NAV3: variants seen among roughly 807,000 people sequenced by gnomAD.
The protein encoded by NAV3 is pore membrane and/or filament interacting like protein 1.
Under a neutral mutation model 244.7 loss-of-function variants are expected in NAV3, and 87 were observed. That is an observed-to-expected ratio of 0.36 (90% confidence interval 0.30 to 0.42). NAV3 has a LOEUF of 0.42. Ranked by LOEUF, NAV3 falls within the 20% of genes least tolerant of loss-of-function variation. The pLI is 1.00. For synonymous variants in NAV3, 1,126 were observed against 1,042.2 expected, an observed-to-expected ratio of 1.08 and a Z score of -1.55; for missense variants, 2,663 against 2,893.3, an observed-to-expected ratio of 0.92 and a Z score of 1.83.
rs57593126 is a variant in NAV3 at position 77,813,594 on chromosome 12, A to G, written c.73-126725A>G. On this transcript the variant is annotated intron_variant, in intron 2 of 8. Coordinates refer to the NAV3 transcript ENST00000550042. ...ATTTATACTTGGAGGGCCTATCCCA[A>G]ATCCTAAAGCTATCTCATTGATAAT... Among the ~76,000 whole-genome samples the G allele has an allele frequency of 6.7e-3, 1,016 of 152,294 alleles. 12 individuals are homozygous for G. The highest frequency in any genetic ancestry group is 0.023 in the African/African-American group (939 of 41,554).
intron 2 of NAV3, among the ~76,000 whole-genome samples, chr12:77,573,973 C>T (rs1270167355): frequency 2.6e-5 from 4 of 152,072 alleles, no homozygotes; most frequent in African/African-American, 4.8e-5. Context: ...AATGACACTT[C>T]GTTTACTAGG....
intron 5 of NAV3, among the ~76,000 whole-genome samples, chr12:77,983,200 A>G (rs546792791): frequency 7.2e-5 from 11 of 152,178 alleles, no homozygotes; most frequent in Non-Finnish European, 1.2e-4. Flanking sequence ...GACTATTTAT[A>G]ACTTAGAAAT....
Position 78,118,170 on chromosome 12 carries a change from C to A in NAV3, c.2913C>A (p.Asp971Glu), listed in dbSNP as rs75738397. The A allele has an allele frequency of 3.7e-6, 6 of 1,613,990 alleles. No individual in the cohort carries two copies. The East Asian group carries it at 1.1e-4, about 30-fold the overall frequency. ...WKTVSSGLPE[D>E]PEKAGQKASL... ...CTGTGTCCTCTGGACTTCCTGAAGA[C>A]CCCGAGAAGGCAGGGCAGAAAGCTT... is the stretch of plus-strand genomic sequence containing the variant. The change falls in exon 14 of 40, where the codon GAC becomes GAA. Residue 971 changes from aspartate to glutamate, a missense_variant. Physicochemically the swap from Asp to Glu is conservative, Grantham distance 45. Transcript: ENST00000397909.
intron 1 of NAV3, among the ~76,000 whole-genome samples, chr12:77,906,407 C>A (rs1885979336): frequency 6.6e-6 from 1 of 152,044 alleles, no homozygotes; most frequent in Admixed American, 6.6e-5. Flanking sequence ...TAATAAATTC[C>A]ATTTTCACCT....
chr12:77,831,189 G>GAGAGAA lies in NAV3; in HGVS notation c.-268_-267insAAGAGA. Reference sequence around the variant, plus strand: ...AGAGACAGAGAGAGAGAGAGAGAGAGAGAGACAGAGAGAGAGAGAGAGAGA... The same window carrying GAGAGAA: ...AGAGACAGAGAGAGAGAGAGAGAGAGAGAGAAAGAGACAGAGAGAGAGAGAGAGAGA... On this transcript the variant is annotated 5_prime_UTR_variant, in exon 1 of 40. Transcript: ENST00000397909. 1 of 126,006 alleles carries GAGAGAA rather than the reference G, an allele frequency of 7.9e-6. No homozygotes were observed. Among genetic ancestry groups the GAGAGAA allele is most frequent in the South Asian group, 1.5e-4 (1 of 6,702 alleles). 7.8% of individuals were successfully genotyped at this position (126,006 alleles called of 1,614,324 possible). A position where few individuals can be genotyped will look rare whatever the true frequency, so the allele number is the denominator to read the frequency against.
chr12:77,620,995 A>T (rs973863225), intron 2 of NAV3, among the ~76,000 whole-genome samples: 2 of 152,218 alleles, frequency 1.3e-5, no homozygotes, highest in African/African-American at 4.8e-5. Flanking sequence ...AGTGTTAAAG[A>T]AGTTGGACAA....
At chr12:77,787,292 A>C (rs10506761) in intron 2 of NAV3, among the ~76,000 whole-genome samples, 11,316 of 152,208 alleles carry the variant, frequency 0.074, 561 homozygotes, top group Non-Finnish European at 0.11. Flanking sequence ...TCCTTGAACA[A>C]AGTTAAATAG....
chr12:78,006,091 A>G (rs759687126), intron 7 of NAV3, among the ~76,000 whole-genome samples: 45 of 152,150 alleles, frequency 3.0e-4, no homozygotes, highest in Non-Finnish European at 5.9e-5. Context: ...GAAAATAACA[A>G]AGAGAATTGC....
chr12:78,185,954 A>T (rs903225550), intron 31 of NAV3, among the ~76,000 whole-genome samples: 4 of 151,920 alleles, frequency 2.6e-5, no homozygotes, highest in African/African-American at 9.7e-5. Context: ...AAACTTTAAA[A>T]AATAGTTATT....
chr12:78,093,310 A>G (rs373221142), intron 12 of NAV3, among the ~76,000 whole-genome samples: 125 of 152,296 alleles, frequency 8.2e-4, no homozygotes, highest in African/African-American at 2.7e-3. Flanking sequence ...ATCTTTTTCT[A>G]CATTTCATAT....
At chr12:77,909,855 G>A (rs1334250460) in intron 1 of NAV3, among the ~76,000 whole-genome samples, 1 of 151,976 alleles carries the variant, frequency 6.6e-6, no homozygotes, top group Non-Finnish European at 1.5e-5. Context: ...CACACAAAAT[G>A]AATGTCTAAA....
intron 5 of NAV3, among the ~76,000 whole-genome samples, chr12:77,988,816 C>T (rs545503538): frequency 2.0e-4 from 30 of 152,182 alleles, no homozygotes; most frequent in Middle Eastern, 3.4e-3. Flanking sequence ...TACTAGGACT[C>T]GGCAAGTTGG....
intron 23 of NAV3, among the ~76,000 whole-genome samples, chr12:78,162,917 A>G (rs1341097635): frequency 3.1e-5 from 4 of 130,368 alleles, no homozygotes; most frequent in Non-Finnish European, 7.0e-5. Flanking sequence ...TATATATTAT[A>G]TAATATATAT....
At chr12:78,179,784 A>G (rs1304915843) in intron 29 of NAV3, 102 bp downstream of exon 29, 2 of 1,293,730 alleles carry the variant, frequency 1.5e-6, no homozygotes, top group East Asian at 2.4e-5. Flanking sequence ...TTGGAAACCC[A>G]CCTTAGAAAT....
At chr12:77,776,405 T>C (rs1429623628) in intron 2 of NAV3, among the ~76,000 whole-genome samples, 3 of 152,250 alleles carry the variant, frequency 2.0e-5, no homozygotes, top group Non-Finnish European at 4.4e-5. Context: ...ATTGAGAACG[T>C]AACGAAGGCT....
At chr12:78,194,135 C>G (rs34919589) in intron 34 of NAV3, among the ~76,000 whole-genome samples, 24 of 152,204 alleles carry the variant, frequency 1.6e-4, no homozygotes, top group Middle Eastern at 3.4e-3. Context: ...ACACTATCAG[C>G]CATGCCCATT....
chr12:77,944,241 C>G (rs1187903877), intron 3 of NAV3, among the ~76,000 whole-genome samples: 4 of 152,038 alleles, frequency 2.6e-5, no homozygotes, highest in African/African-American at 7.2e-5. Flanking sequence ...GTATGGTATT[C>G]TAACTCAGGA....
At chr12:77,666,388 T>G (rs1294623187) in intron 2 of NAV3, among the ~76,000 whole-genome samples, 5 of 152,106 alleles carry the variant, frequency 3.3e-5, no homozygotes, top group Non-Finnish European at 7.4e-5. Flanking sequence ...GAATTTATAA[T>G]GGCTAGACTA....
At chr12:77,818,798 C>G (rs1872619617) in intron 2 of NAV3, among the ~76,000 whole-genome samples, 1 of 151,840 alleles carries the variant, frequency 6.6e-6, no homozygotes, top group Non-Finnish European at 1.5e-5. Flanking sequence ...CTTTCTATTC[C>G]AGAAATATAT....
Sources: allele counts gnomAD v4.1 joint callset (sites outside exome capture counted in the v4.1 genomes callset), GRCh38; gene constraint gnomAD v4.1.1; transcripts MANE v1.5; gene names NCBI Gene and HGNC (gene_info 2026-07-23, HGNC 2026-07-21).